KIF13A: variants seen among roughly 807,000 people sequenced by gnomAD.
KIF13A encodes the protein kinesin family member 13A, also known as kinesin-like protein KIF13A.
Under a neutral mutation model 212.2 loss-of-function variants are expected in KIF13A, and 79 were observed. The observed-to-expected ratio is 0.37, with a 90% confidence interval of 0.31 to 0.45. The LOEUF is 0.45. KIF13A is among the 20% of genes least tolerant of loss of function. KIF13A has a pLI of 1.00. For missense variants in KIF13A, 1,901 were observed against 2,209.0 expected (o/e 0.86, Z 2.79); for synonymous variants, 789 against 808.6 (o/e 0.98, Z 0.41).
rs377531641 is a variant in KIF13A, at chr6:17,898,126, C to T, written c.159+42G>A. 2 of 1,600,320 alleles carry T rather than the reference C, an allele frequency of 1.2e-6. No homozygotes were observed. The highest frequency in any genetic ancestry group is 2.2e-5 in the East Asian group (1 of 44,710). ...CAGTGATAAATCCTGGATTTTTGCACACTAAGCCAGTATACATGCCAAATT... is the reference window on the plus strand; with the variant it reads ...CAGTGATAAATCCTGGATTTTTGCATACTAAGCCAGTATACATGCCAAATT... On this transcript the variant is annotated intron_variant, in intron 3 of 38. Coordinates refer to ENST00000259711, the MANE Select transcript of KIF13A (RefSeq NM_022113.6). The surrounding 1 kb of genome is among the most constrained non-coding windows in gnomAD (Gnocchi z 5.2).
chr6:17,770,559 AG>A (rs1247230052), intron 38 of KIF13A: 1 of 152,540 alleles, frequency 6.6e-6, no homozygotes, highest in Non-Finnish European at 1.5e-5. Flanking sequence ...GCTGGCACCA[AG>A]GTATTGGAAT....
intron 2 of KIF13A, among the ~76,000 whole-genome samples, chr6:17,930,325 A>G (rs1775882458): frequency 6.6e-6 from 1 of 152,248 alleles, no homozygotes; most frequent in East Asian, 1.9e-4. Flanking sequence ...TATAAGGGAG[A>G]GCTCACAAAT....
intron 2 of KIF13A, among the ~76,000 whole-genome samples, chr6:17,922,461 A>C (rs767953874): frequency 6.6e-6 from 1 of 152,184 alleles, no homozygotes; most frequent in Non-Finnish European, 1.5e-5. Flanking sequence ...TTCACACATC[A>C]ATGTGGATGA....
chr6:17,932,704 A>G (rs1483400281), intron 2 of KIF13A, among the ~76,000 whole-genome samples: 1 of 152,072 alleles, frequency 6.6e-6, no homozygotes, highest in Non-Finnish European at 1.5e-5. Flanking sequence ...GATTCCAGAA[A>G]CGCTATGCAA....
At chr6:17,818,998 C>CT (rs11438528) in intron 16 of KIF13A, among the ~76,000 whole-genome samples, 11,828 of 123,390 alleles carry the variant, frequency 0.096, 740 homozygotes, top group South Asian at 0.19. Flanking sequence ...AAATATATCA[C>CT]TTTTTTTTTT....
rs1433481216 is a variant in KIF13A, at chr6:17,839,388, C to T, written c.831-1805G>A. Among the ~76,000 whole-genome samples, 4 of 152,150 alleles carry T rather than the reference C, an allele frequency of 2.6e-5. No homozygotes were observed. Among genetic ancestry groups the T allele is most frequent in the Admixed American group, 1.3e-4 (2 of 15,272 alleles). On this transcript the variant is annotated intron_variant, in intron 9 of 38. Coordinates refer to ENST00000259711, the MANE Select transcript of KIF13A (RefSeq NM_022113.6). The surrounding 1 kb of genome is among the most constrained non-coding windows in gnomAD (Gnocchi z 4.3). Reference sequence around the variant, plus strand: ...ATCCACAAAAGTCAAAATGTGGAAACGACCACATGCCCATCAAATGATGAA... The same window carrying T: ...ATCCACAAAAGTCAAAATGTGGAAATGACCACATGCCCATCAAATGATGAA...
intron 2 of KIF13A, among the ~76,000 whole-genome samples, chr6:17,901,418 A>C (rs1375462116): frequency 6.6e-6 from 1 of 152,196 alleles, no homozygotes; most frequent in Non-Finnish European, 1.5e-5. Flanking sequence ...CTACTAAAAT[A>C]AACTTAACAG....
intron 2 of KIF13A, among the ~76,000 whole-genome samples, chr6:17,973,470 G>C (rs1780002351): frequency 6.6e-6 from 1 of 152,132 alleles, no homozygotes; most frequent in African/African-American, 2.4e-5. Flanking sequence ...CCCAAGAATG[G>C]TGACCCTGTC....
Position 17,855,693 on chromosome 6 carries a change from C to T in KIF13A, c.314-76G>A. On this transcript the variant is annotated intron_variant, in intron 5 of 38. Coordinates refer to ENST00000259711, the MANE Select transcript of KIF13A (RefSeq NM_022113.6). The surrounding 1 kb of genome is among the most constrained non-coding windows in gnomAD (Gnocchi z 4.1). Reference sequence around the variant, plus strand: ...CAATGCTTCAACCATACAAGGTTTCCCCATATACTGGCCATGGTAACATAG... The same window carrying T: ...CAATGCTTCAACCATACAAGGTTTCTCCATATACTGGCCATGGTAACATAG... The T allele has an allele frequency of 8.5e-7, 1 of 1,181,082 alleles. No homozygotes were observed. 73.2% of individuals were successfully genotyped at this position (1,181,082 alleles called of 1,614,324 possible). A position where few individuals can be genotyped will look rare whatever the true frequency, so the allele number is the denominator to read the frequency against.
rs934896396 is a variant in KIF13A at position 17,769,978 on chromosome 6, GA to G, written c.4581+1135del. ...GGGAAGAGGGATGAAGAAATAGAGGGAAAATGGTGCTTTTCTTCTTTCTTCA... is the reference window on the plus strand; with the variant it reads ...GGGAAGAGGGATGAAGAAATAGAGGGAAATGGTGCTTTTCTTCTTTCTTCA... On this transcript the variant is annotated intron_variant, in intron 38 of 38. Coordinates refer to ENST00000259711, the MANE Select transcript of KIF13A (RefSeq NM_022113.6). The surrounding 1 kb of genome is among the most constrained non-coding windows in gnomAD (Gnocchi z 5.8). 6.6e-6 allele frequency among the ~76,000 whole-genome samples: 1 copy of G among 152,108 alleles called. No homozygotes were observed. Among genetic ancestry groups the G allele is most frequent in the African/African-American group, 2.4e-5 (1 of 41,412 alleles).
intron 2 of KIF13A, among the ~76,000 whole-genome samples, chr6:17,985,149 G>A (rs1781430343): frequency 6.6e-6 from 1 of 152,178 alleles, no homozygotes; most frequent in African/African-American, 2.4e-5. Context: ...CCCACAGAAA[G>A]CTCATCTGCT....
At chr6:17,800,187 C>T (rs1762365067) in intron 20 of KIF13A, 74 bp from the exon 21 acceptor site, 1 of 1,421,506 alleles carries the variant, frequency 7.0e-7, no homozygotes, top group South Asian at 1.3e-5. Context: ...ACAGACGTGC[C>T]TTCTACAGTG....
Position 17,856,183 on chromosome 6 carries a change from TGTTA to T in KIF13A, c.221-65_221-62del, listed in dbSNP as rs1768117742. 4.3e-6 allele frequency: 5 copies of T among 1,167,102 alleles called. No individual in the cohort carries two copies. Among genetic ancestry groups the T allele is most frequent in the Non-Finnish European group, 6.3e-6 (5 of 796,114 alleles). 72.3% of individuals were successfully genotyped at this position (1,167,102 alleles called of 1,614,324 possible). A position where few individuals can be genotyped will look rare whatever the true frequency, so the allele number is the denominator to read the frequency against. ...AGAATAATTTTTCTTGACATATTTG[TGTTA>T]GTAACAATATTATGTCAATTCAAAA... is the stretch of plus-strand genomic sequence containing the variant. On this transcript the variant is annotated intron_variant, in intron 4 of 38. Transcript: ENST00000259711. This position sits in a 1 kb window ranked among gnomAD's most constrained non-coding sequence, Gnocchi z 4.5.
chr6:17,956,067 G>A (rs1778332412), intron 2 of KIF13A, among the ~76,000 whole-genome samples: 2 of 152,176 alleles, frequency 1.3e-5, no homozygotes, highest in Non-Finnish European at 2.9e-5. Context: ...AGCAAGCAAA[G>A]CAACGGACTT....
Position 17,912,303 on chromosome 6 carries a change from T to G in KIF13A, c.147-14123A>C, listed in dbSNP as rs1223546966. Among the ~76,000 whole-genome samples, 3 of 152,126 alleles carry G rather than the reference T, an allele frequency of 2.0e-5. No individual in the cohort carries two copies. The highest frequency in any genetic ancestry group is 4.4e-5 in the Non-Finnish European group (3 of 68,024). On this transcript the variant is annotated intron_variant, in intron 2 of 38. Coordinates refer to ENST00000259711, the MANE Select transcript of KIF13A (RefSeq NM_022113.6). The surrounding 1 kb of genome is among the most constrained non-coding windows in gnomAD (Gnocchi z 4.2). ...TCTTTTGCAACTGAGGTACCATCAC[T>G]TGATAGAGTGACAGAAGAACATTCA...
Position 17,963,728 on chromosome 6 carries a change from T to C in KIF13A, c.146+23326A>G, listed in dbSNP as rs1779055199. 6.6e-6 allele frequency among the ~76,000 whole-genome samples: 1 copy of C among 152,152 alleles called. No individual in the cohort carries two copies. The highest frequency in any genetic ancestry group is 2.4e-5 in the African/African-American group (1 of 41,452). ...CGCGCCACCACGCCCTGCTAATTTT[T>C]GCATTTTTAGTAGAGACAGGGTTCC... On this transcript the variant is annotated intron_variant, in intron 2 of 38. Coordinates refer to ENST00000259711, the MANE Select transcript of KIF13A (RefSeq NM_022113.6). The surrounding 1 kb of genome is among the most constrained non-coding windows in gnomAD (Gnocchi z 4.1).
intron 2 of KIF13A, among the ~76,000 whole-genome samples, chr6:17,932,066 A>C (rs918153576): frequency 1.3e-5 from 2 of 152,164 alleles, no homozygotes; most frequent in African/African-American, 4.8e-5. Context: ...AAGAAACTCT[A>C]GGGGAAGACA....
Position 17,794,208 on chromosome 6 carries a change from C to T in KIF13A, c.3222+41G>A. ...GAGGTCCCCCTGGGACCTGCATTAA[C>T]CAAGCTTTGTTAAATACTATTTTAA... On this transcript the variant is annotated intron_variant, in intron 25 of 38. Transcript: ENST00000259711. This position sits in a 1 kb window ranked among gnomAD's most constrained non-coding sequence, Gnocchi z 4.1. The T allele has an allele frequency of 6.5e-7, 1 of 1,549,158 alleles. No homozygotes were observed. Among genetic ancestry groups the T allele is most frequent in the Non-Finnish European group, 8.8e-7 (1 of 1,132,146 alleles).
chr6:17,859,638 ATTTTTT>A (rs1176958380), intron 4 of KIF13A, among the ~76,000 whole-genome samples: 4 of 111,856 alleles, frequency 3.6e-5, no homozygotes, highest in African/African-American at 7.0e-5. Flanking sequence ...ATATATATAT[ATTTTTT>A]TTTTTTTTTT....
Sources: gnomAD v4.1 joint callset for allele counts (sites outside exome capture counted in the v4.1 genomes callset) on GRCh38, gnomAD v4.1.1 for gene constraint, Gnocchi (gnomAD v3.1) non-coding constraint, MANE v1.5 for transcripts, NCBI Gene and HGNC (gene_info 2026-07-23, HGNC 2026-07-21) for gene names.